MARK4: variants seen among roughly 807,000 people sequenced by gnomAD.
The protein encoded by MARK4 is microtubule affinity regulating kinase 4.
MARK4 carries 19 observed loss-of-function variants against 81.5 expected under a neutral mutation model. The observed-to-expected ratio is 0.23, with a 90% CI of 0.16 to 0.34. MARK4 has a LOEUF of 0.34. Among genes scored for constraint, MARK4 ranks in the 10% least tolerant of loss-of-function variants. The probability of loss-of-function intolerance (pLI) is 1.00; values close to 1 mark genes in which losing one functional copy is unlikely to be tolerated. For synonymous variants in MARK4, 436 were observed against 439.0 expected (o/e 0.99, Z 0.08); for missense variants, 772 against 1,058.8 (o/e 0.73, Z 3.76).
At chr19:45,258,619 G>A (rs991769841) in intron 1 of MARK4, among the ~76,000 whole-genome samples, 2 of 151,954 alleles carry the variant, frequency 1.3e-5, no homozygotes, top group African/African-American at 4.8e-5. Context: ...AAAATGGCTT[G>A]AACCCGGGAG....
chr19:45,277,509 C>A (rs1181519789), intron 8 of MARK4, among the ~76,000 whole-genome samples: 1 of 149,042 alleles, frequency 6.7e-6, no homozygotes, highest in Non-Finnish European at 1.5e-5. Context: ...AAGCTATCCT[C>A]CTCCCTCGGC....
chr19:45,290,934 C>T (rs1970812871), intron 13 of MARK4, among the ~76,000 whole-genome samples: 1 of 152,148 alleles, frequency 6.6e-6, no homozygotes. Context: ...GAGGACAGCT[C>T]ACTGGCTACC....
intron 4 of MARK4, 57 bp downstream of exon 4, chr19:45,263,424 TG>T (rs1970405856): frequency 1.2e-6 from 2 of 1,607,462 alleles, no homozygotes; most frequent in Non-Finnish European, 8.5e-7. Context: ...GCAAAGGAGT[TG>T]GGGGTGGTGG....
At position 45,294,451 on chromosome 19, in the gene MARK4, A is replaced by G; in HGVS notation, c.1597A>G (p.Ser533Gly). The G allele has an allele frequency of 6.2e-7, 1 of 1,613,508 alleles. No homozygotes were observed. Among genetic ancestry groups the G allele is most frequent in the Non-Finnish European group, 8.5e-7 (1 of 1,179,692 alleles). Residue 533 changes from serine to glycine, a missense_variant and splice_region_variant, in exon 14 of 17, where the codon AGC becomes GGC. Transcript: ENST00000262891. ...PSLLPNGKEN[S>G]SGTPRVPPAS... The stretch of plus-strand genomic sequence containing the variant: ...ACTGTTGCCAAATGGGAAAGAAAAC[A>G]GGTACGGAGGGGGCAGCAACAGGGT...
intron 16 of MARK4, among the ~76,000 whole-genome samples, chr19:45,301,837 C>T (rs1970977668): frequency 6.8e-6 from 1 of 147,878 alleles, no homozygotes; most frequent in Admixed American, 6.7e-5. Context: ...TGCACTCCAG[C>T]CTGGGTAACA....
At chr19:45,301,225 G>A (rs1208664356) in intron 16 of MARK4, among the ~76,000 whole-genome samples, 1 of 151,958 alleles carries the variant, frequency 6.6e-6, no homozygotes, top group African/African-American at 2.4e-5. Context: ...CGAGGCTGCA[G>A]TGAGCTGTGA....
chr19:45,286,577 G>A (rs1375158171), intron 12 of MARK4, among the ~76,000 whole-genome samples: 2 of 151,838 alleles, frequency 1.3e-5, no homozygotes, highest in East Asian at 3.9e-4. Flanking sequence ...GGTGGGCATG[G>A]TAGTGTGTGC....
chr19:45,262,967 G>T, intron 2 of MARK4, 146 bp from the exon 3 acceptor site: 2 of 863,670 alleles, frequency 2.3e-6, no homozygotes, highest in South Asian at 3.3e-5. Flanking sequence ...GTTTCGTCGT[G>T]TTGACCAGGC....
intron 7 of MARK4, among the ~76,000 whole-genome samples, chr19:45,267,431 C>T (rs1970470433): frequency 6.6e-6 from 1 of 152,164 alleles, no homozygotes; most frequent in Non-Finnish European, 1.5e-5. Flanking sequence ...GGCTCCAGCC[C>T]AGCTACCTGT....
intron 10 of MARK4, among the ~76,000 whole-genome samples, chr19:45,279,394 G>A (rs564160293): frequency 6.6e-6 from 1 of 152,110 alleles, no homozygotes; most frequent in Non-Finnish European, 1.5e-5. Context: ...GCAGGCACCC[G>A]TAATCCCAGC....
rs781198705 is a variant in MARK4, at chr19:45,287,623, G to T, written c.1453G>T (p.Ala485Ser). 8.8e-6 allele frequency: 14 copies of T among 1,596,108 alleles called. No homozygotes were observed. In the Admixed American group the frequency reaches 2.4e-4, roughly 27 times the overall value. ...CAGCAGCGCCCACAACCCCAACAAG[G>T]CAGAGATCCCAGAGCGGCGGAAGGA... The part of the protein sequence containing the change: ...MVSSAHNPNK[A>S]EIPERRKDST... Residue 485 changes from alanine (A) to serine (S), a missense_variant, in exon 13 of 17, where the codon GCA (alanine) becomes TCA (serine). Around this residue, in one of 3 missense-constraint regions of MARK4, gnomAD observed 548 missense variants for 624.3 expected, o/e 0.88. Transcript: ENST00000262891.
chr19:45,282,361 G>A (rs1165334634), intron 12 of MARK4, among the ~76,000 whole-genome samples: 1 of 151,754 alleles, frequency 6.6e-6, no homozygotes, highest in Non-Finnish European at 1.5e-5. Context: ...CTTTATTAAG[G>A]TTAAAATTCA....
At chr19:45,287,898 G>A (rs1332050485) in intron 13 of MARK4, 3 of 593,784 alleles carry the variant, frequency 5.1e-6, no homozygotes, top group East Asian at 2.9e-5. Context: ...AGTGCAGAAC[G>A]TACTCTTGGC....
At chr19:45,254,528 G>A (rs1970283247) in intron 1 of MARK4, among the ~76,000 whole-genome samples, 1 of 152,230 alleles carries the variant, frequency 6.6e-6, no homozygotes, top group Admixed American at 6.5e-5. Context: ...TCAGCAGGCC[G>A]GGGTTCGCAT....
chr19:45,289,638 T>G (rs1269502593), intron 13 of MARK4, among the ~76,000 whole-genome samples: 1 of 145,858 alleles, frequency 6.9e-6, no homozygotes, highest in South Asian at 2.2e-4. Context: ...GGCGTGGTGG[T>G]GCACGCCTGT....
At chr19:45,277,900 C>T (rs1158297148) in intron 8 of MARK4, 23 bp from the exon 9 acceptor site, 2 of 1,603,582 alleles carry the variant, frequency 1.2e-6, no homozygotes, top group East Asian at 2.2e-5. Flanking sequence ...AGACCCCCTC[C>T]TCCAGTAACC....
In MARK4 at chr19:45,254,032, TG is replaced by T. The variant is rs367681615; in HGVS notation, c.51+2397del. Among the ~76,000 whole-genome samples, 131 of 152,248 alleles carry T rather than the reference TG, an allele frequency of 8.6e-4. 1 individual carries two copies. The highest frequency in any genetic ancestry group is 3.1e-3 in the African/African-American group (128 of 41,544). ...ACTAAGACCTGCCTGTCAGTCCTGG[TG>T]GGGAGTCACTTGCCTGCCTCTGGAA... On this transcript the variant is annotated intron_variant, in intron 1 of 16. Coordinates refer to ENST00000262891, the MANE Select transcript of MARK4 (RefSeq NM_001199867.2).
chr19:45,281,057 C>T (rs752477590), intron 12 of MARK4, among the ~76,000 whole-genome samples: 20 of 151,440 alleles, frequency 1.3e-4, no homozygotes, highest in South Asian at 4.2e-4. Context: ...CCCAGCTCCC[C>T]GATTTTTTTT....
At chr19:45,258,925 C>T (rs1970344047) in intron 1 of MARK4, 64 bp from the exon 2 acceptor site, 6 of 1,556,052 alleles carry the variant, frequency 3.9e-6, no homozygotes, top group Admixed American at 1.8e-5. Flanking sequence ...AAGTTAAGTG[C>T]ACTAGCCCAC....
Sources: gnomAD v4.1 joint callset for allele counts (sites outside exome capture counted in the v4.1 genomes callset) on GRCh38, gnomAD v4.1.1 for gene constraint, gnomAD v4.1.1 regional missense constraint, MANE v1.5 for transcripts, NCBI Gene and HGNC (gene_info 2026-07-23, HGNC 2026-07-21) for gene names.